DHX57: variants seen among roughly 807,000 people sequenced by gnomAD.
The protein encoded by DHX57 is putative ATP-dependent RNA helicase DHX57.
In DHX57, 105 loss-of-function variants were observed where a neutral mutation model predicts 156.2. The ratio of observed to expected loss-of-function variants is 0.67; its 90% confidence interval spans 0.57 to 0.79. The LOEUF (loss-of-function observed/expected upper bound fraction) is 0.79, where lower values mean the gene tolerates loss of function less well. DHX57 is among the 30% of genes least tolerant of loss of function. The pLI, the probability that DHX57 is intolerant of heterozygous loss-of-function variation, is 0.00. For synonymous variants in DHX57, 704 were observed against 595.6 expected, an observed-to-expected ratio of 1.18 and a Z score of -2.65; for missense variants, 1,847 against 1,661.9, an observed-to-expected ratio of 1.11 and a Z score of -1.94.
chr2:38,871,021 C>T (rs1374692566), intron 1 of DHX57, among the ~76,000 whole-genome samples: 3 of 152,006 alleles, frequency 2.0e-5, no homozygotes, highest in Admixed American at 6.6e-5. Flanking sequence ...TCAATAGACC[C>T]GCCTCACAAG....
At chr2:38,821,586 G>C (rs755436144) in intron 17 of DHX57, among the ~76,000 whole-genome samples, 7 of 152,040 alleles carry the variant, frequency 4.6e-5, no homozygotes, top group Non-Finnish European at 7.4e-5. Context: ...CCAGCTACTC[G>C]GGAGGCTGAG....
intron 12 of DHX57, among the ~76,000 whole-genome samples, chr2:38,841,126 A>C (rs1312142603): frequency 6.6e-6 from 1 of 152,198 alleles, no homozygotes; most frequent in Non-Finnish European, 1.5e-5. Flanking sequence ...CCCAACCTCA[A>C]AGGAATTTTC....
In DHX57 at chr2:38,806,655, A is replaced by G. The variant is rs1468236397; in HGVS notation, c.3720T>C (p.Thr1240=). 17 of 1,614,092 alleles carry G rather than the reference A, an allele frequency of 1.1e-5. No homozygotes were observed. The highest frequency in any genetic ancestry group is 1.4e-5 in the Non-Finnish European group (17 of 1,180,004). The part of the protein sequence containing the change: ...SPEGKFQKTS[T]GAVRMQPKSA... ...ATTTTGGTTGCATTCTGACAGCTCC[A>G]GTACTGGTCTTCTGAAATTTTCCTT... The change falls in exon 22 of 24, where the codon ACT becomes ACC. Residue 1240 remains threonine (T), a synonymous_variant. Transcript: ENST00000457308.
rs189725513 is a variant in DHX57 at position 38,856,494 on chromosome 2, T to A, written c.1588-33A>T. 797 of 1,557,142 alleles carry A rather than the reference T, an allele frequency of 5.1e-4. 19 individuals are homozygous for A. In the East Asian group the frequency reaches 0.012, roughly 24 times the overall value. ...AATCAAAGATAAGATATCAGTTGGGTTACTTTTTCTTTTTTTTTTTTTTTT... is the reference window on the plus strand; with the variant it reads ...AATCAAAGATAAGATATCAGTTGGGATACTTTTTCTTTTTTTTTTTTTTTT... On this transcript the variant is annotated intron_variant, in intron 6 of 23. Transcript: ENST00000457308.
intron 12 of DHX57, among the ~76,000 whole-genome samples, chr2:38,839,988 T>A (rs1448606561): frequency 6.6e-6 from 1 of 152,216 alleles, no homozygotes; most frequent in South Asian, 2.1e-4. Flanking sequence ...ACTCTTCTCC[T>A]CAGGCTGGAG....
At chr2:38,872,114 T>C (rs552130276) in intron 1 of DHX57, among the ~76,000 whole-genome samples, 14 of 152,238 alleles carry the variant, frequency 9.2e-5, no homozygotes, top group African/African-American at 3.4e-4. Flanking sequence ...AGGCCCCATC[T>C]CCTAACACTG....
At chr2:38,805,432 G>A (rs370151490) in intron 22 of DHX57, among the ~76,000 whole-genome samples, 2 of 152,202 alleles carry the variant, frequency 1.3e-5, no homozygotes, top group South Asian at 4.1e-4. Flanking sequence ...TAGTCTAATT[G>A]ATGTTTTGTA....
intron 23 of DHX57, among the ~76,000 whole-genome samples, chr2:38,800,005 T>C (rs947876121): frequency 6.6e-6 from 1 of 151,798 alleles, no homozygotes; most frequent in Non-Finnish European, 1.5e-5. Context: ...CTGACCAACA[T>C]GGAGAAACCC....
intron 1 of DHX57, among the ~76,000 whole-genome samples, chr2:38,869,586 A>T (rs1477695918): frequency 6.6e-6 from 1 of 152,262 alleles, no homozygotes. Flanking sequence ...AACCATGGGC[A>T]TACCTAAAGC....
chr2:38,849,548 A>G (rs143724148), intron 9 of DHX57, among the ~76,000 whole-genome samples: 7 of 3,038 alleles, frequency 2.3e-3, no homozygotes, highest in African/African-American at 2.4e-3. Flanking sequence ...CCCATCTCTT[A>G]AAAAAAAAAA....
In DHX57 at chr2:38,868,420, G is replaced by GA; in HGVS notation, c.-6-10dup. 1 of 1,609,130 alleles carries GA rather than the reference G, an allele frequency of 6.2e-7. No homozygotes were observed. The highest frequency in any genetic ancestry group is 1.7e-4 in the Middle Eastern group (1 of 6,032). On this transcript the variant is annotated splice_polypyrimidine_tract_variant and intron_variant, in intron 1 of 23. Coordinates refer to ENST00000457308, the MANE Select transcript of DHX57 (RefSeq NM_198963.3). ...GAAGAACTCATTTTCACCTGCAAGA[G>GA]AAAAAAATTAATGTAGACATCATAA...
At chr2:38,863,555 C>A in intron 2 of DHX57, 36 bp from the exon 3 acceptor site, 1 of 1,589,010 alleles carries the variant, frequency 6.3e-7, no homozygotes, top group Non-Finnish European at 8.5e-7. Flanking sequence ...ACACACATAT[C>A]TTCAATCAGA....
intron 13 of DHX57, among the ~76,000 whole-genome samples, chr2:38,835,346 T>G (rs1671597463): frequency 6.6e-6 from 1 of 152,190 alleles, no homozygotes; most frequent in Admixed American, 6.5e-5. Context: ...GTCTATAAAG[T>G]TAACCCCTGG....
Position 38,855,044 on chromosome 2 carries a change from A to C in DHX57, c.1905+13T>G, listed in dbSNP as rs1572696625. On this transcript the variant is annotated intron_variant, in intron 8 of 23. Coordinates refer to ENST00000457308, the MANE Select transcript of DHX57 (RefSeq NM_198963.3). Reference sequence around the variant, plus strand: ...AAATTTCTGTTACCAGGAAATAAGCAGAGCATACAAACCTTGACACTTTCT... The same window carrying C: ...AAATTTCTGTTACCAGGAAATAAGCCGAGCATACAAACCTTGACACTTTCT... 1 of 1,614,170 alleles carries C rather than the reference A, an allele frequency of 6.2e-7. No individual in the cohort carries two copies.
chr2:38,820,234 C>T lies in DHX57; in HGVS notation c.3292-1090G>A, dbSNP rs192491074. Among the ~76,000 whole-genome samples the T allele has an allele frequency of 2.8e-3, 424 of 152,132 alleles. 4 individuals carry two copies. Among genetic ancestry groups the T allele is most frequent in the African/African-American group, 9.4e-3 (391 of 41,488 alleles). On this transcript the variant is annotated intron_variant, in intron 17 of 23. Coordinates refer to ENST00000457308, the MANE Select transcript of DHX57 (RefSeq NM_198963.3). ...ACAGGCCAGTGGGAAAAGGATTGCA[C>T]GTGGGAGATTAATATTATGTTTACA...
intron 9 of DHX57, 26 bp downstream of exon 9, chr2:38,854,028 G>A (rs770174148): frequency 6.3e-7 from 1 of 1,588,774 alleles, no homozygotes; most frequent in East Asian, 2.3e-5. Context: ...GTGAGTGTGT[G>A]TTCCCTGGGA....
At position 38,832,371 on chromosome 2, in the gene DHX57, C is replaced by T. The variant is rs374978639; in HGVS notation, c.2543-3935G>A. ...AGGACAATTGCTTGAACCCAGGAGG[C>T]GGAAGTTGCAGAGCCGAGATTGCGC... On this transcript the variant is annotated intron_variant, in intron 13 of 23. Transcript: ENST00000457308. Among the ~76,000 whole-genome samples the T allele has an allele frequency of 4.6e-5, 7 of 151,740 alleles. No homozygotes were observed. In the East Asian group the frequency reaches 5.8e-4, roughly 13 times the overall value.
chr2:38,818,712 C>T lies in DHX57; in HGVS notation c.3471+165G>A, dbSNP rs111611157. Among the ~76,000 whole-genome samples, 1,009 of 152,278 alleles carry T rather than the reference C, an allele frequency of 6.6e-3. 9 individuals carry two copies. The highest frequency in any genetic ancestry group is 0.023 in the African/African-American group (963 of 41,554). The stretch of plus-strand genomic sequence containing the variant: ...AGTGGAAAGGTTCAGCACAGAAAGC[C>T]TGATGCCACAGTGCGGGAGTCCATT... On this transcript the variant is annotated intron_variant, in intron 19 of 23. Transcript: ENST00000457308.
intron 13 of DHX57, among the ~76,000 whole-genome samples, chr2:38,837,339 G>A (rs1373763938): frequency 6.6e-5 from 10 of 151,916 alleles, no homozygotes; most frequent in Non-Finnish European, 1.2e-4. Context: ...GGCCGGGCAC[G>A]GTGGCTCACG....
Sources: gnomAD v4.1 joint callset for allele counts (sites outside exome capture counted in the v4.1 genomes callset) on GRCh38, gnomAD v4.1.1 for gene constraint, MANE v1.5 for transcripts, NCBI Gene and HGNC (gene_info 2026-07-23, HGNC 2026-07-21) for gene names.